Variants in PDE4D observed in about 807,000 individuals in gnomAD.
The protein encoded by PDE4D is phosphodiesterase 4D, also known as 3',5'-cyclic-AMP phosphodiesterase 4D.
In PDE4D, 24 loss-of-function variants were observed where a neutral mutation model predicts 87.4. That is an observed-to-expected ratio of 0.27 (90% CI 0.20 to 0.39). The LOEUF is 0.39. Ranked by LOEUF, PDE4D falls within the 10% of genes least tolerant of loss-of-function variation. The pLI, the probability that PDE4D is intolerant of heterozygous loss-of-function variation, is 1.00. For synonymous variants in PDE4D, 384 were observed against 383.2 expected (o/e 1.00, Z -0.02); for missense variants, 714 against 1,041.0 (o/e 0.69, Z 4.32).
intron 10 of PDE4D, 142 bp downstream of exon 10, chr5:58,989,613 A>G (rs1351501191): frequency 3.6e-6 from 2 of 556,006 alleles, no homozygotes; most frequent in Non-Finnish European, 6.3e-6. Context: ...TCTATTAACT[A>G]TAGCATTTTC....
intron 2 of PDE4D, among the ~76,000 whole-genome samples, chr5:60,008,497 C>A (rs754303259): frequency 6.6e-6 from 1 of 151,988 alleles, no homozygotes; most frequent in African/African-American, 2.4e-5. Flanking sequence ...GTATTCTTCA[C>A]GTGACACAGT....
intron 1 of PDE4D, among the ~76,000 whole-genome samples, chr5:59,489,715 G>T (rs1805838468): frequency 6.6e-6 from 1 of 152,076 alleles, no homozygotes. Context: ...ACATTAAAAA[G>T]AACTCAAAAT....
chr5:60,116,767 G>A (rs778427546), intron 2 of PDE4D, among the ~76,000 whole-genome samples: 1 of 151,974 alleles, frequency 6.6e-6, no homozygotes, highest in African/African-American at 2.4e-5. Flanking sequence ...TTGCCCATAG[G>A]AAATGACATC....
chr5:59,086,701 T>A (rs1226180618), intron 5 of PDE4D, among the ~76,000 whole-genome samples: 1 of 152,164 alleles, frequency 6.6e-6, no homozygotes, highest in Non-Finnish European at 1.5e-5. Context: ...GTTTTTACTA[T>A]CTTATGGACA....
chr5:59,589,783 A>C (rs1158950216), intron 1 of PDE4D, among the ~76,000 whole-genome samples: 3 of 152,172 alleles, frequency 2.0e-5, no homozygotes, highest in Admixed American at 6.6e-5. Flanking sequence ...GCACTTTATA[A>C]ATAAAATACA....
chr5:60,168,590 C>T (rs1783140718), intron 2 of PDE4D, among the ~76,000 whole-genome samples: 1 of 152,178 alleles, frequency 6.6e-6, no homozygotes, highest in South Asian at 2.1e-4. Context: ...CCAGTGAATA[C>T]CACGGATGCT....
intron 2 of PDE4D, among the ~76,000 whole-genome samples, chr5:60,177,001 C>A (rs913706447): frequency 6.6e-6 from 1 of 152,134 alleles, no homozygotes; most frequent in African/African-American, 2.4e-5. Flanking sequence ...AGTAACTAAG[C>A]AGAAAGGACT....
chr5:60,103,726 A>G (rs116519680), intron 2 of PDE4D, among the ~76,000 whole-genome samples: 1,945 of 152,342 alleles, frequency 0.013, 49 homozygotes, highest in African/African-American at 0.045. Context: ...TTCAGAGTAA[A>G]TCATTCTATC....
intron 1 of PDE4D, among the ~76,000 whole-genome samples, chr5:59,762,383 TGTATATGG>T (rs1243212532): frequency 7.3e-6 from 1 of 136,758 alleles, no homozygotes; most frequent in Non-Finnish European, 1.6e-5. Flanking sequence ...TGTGTATATG[TGTATATGG>T]GTACACATGT....
At chr5:59,991,981 T>G (rs892693536) in intron 2 of PDE4D, among the ~76,000 whole-genome samples, 22 of 152,170 alleles carry the variant, frequency 1.4e-4, no homozygotes, top group Non-Finnish European at 2.8e-4. Flanking sequence ...ACCCTCCATG[T>G]GGGTAGGCAC....
chr5:59,742,828 T>C (rs1346246948), intron 1 of PDE4D, among the ~76,000 whole-genome samples: 3 of 152,230 alleles, frequency 2.0e-5, no homozygotes, highest in Non-Finnish European at 4.4e-5. Flanking sequence ...CATTTCTTTA[T>C]ATTTACTCTT....
intron 1 of PDE4D, among the ~76,000 whole-genome samples, chr5:59,820,728 T>C (rs1434064347): frequency 1.3e-5 from 2 of 152,220 alleles, no homozygotes; most frequent in Non-Finnish European, 2.9e-5. Context: ...GGCTTGCTCC[T>C]CTTGACATGG....
At chr5:59,423,812 A>G (rs759918138) in intron 1 of PDE4D, among the ~76,000 whole-genome samples, 109 of 135,198 alleles carry the variant, frequency 8.1e-4, no homozygotes, top group Non-Finnish European at 1.6e-3. Context: ...CTGGGAATGT[A>G]ACCTTTTTTT....
intron 1 of PDE4D, among the ~76,000 whole-genome samples, chr5:59,712,315 A>ATT (rs985167485): frequency 1.3e-4 from 19 of 149,524 alleles, no homozygotes; most frequent in Non-Finnish European, 2.7e-4. Flanking sequence ...CTGTCTATCC[A>ATT]TTTGTCTGTC....
chr5:59,872,918 T>G (rs1246707657), intron 1 of PDE4D, among the ~76,000 whole-genome samples: 1 of 152,100 alleles, frequency 6.6e-6, no homozygotes, highest in African/African-American at 2.4e-5. Flanking sequence ...CCACCTCTAT[T>G]TTCACCCTCT....
intron 2 of PDE4D, among the ~76,000 whole-genome samples, chr5:59,203,624 TACAC>T (rs79799414): frequency 6.6e-6 from 1 of 151,016 alleles, no homozygotes; most frequent in Admixed American, 6.6e-5. Context: ...AAATGTTATA[TACAC>T]ACACACACAC....
intron 6 of PDE4D, among the ~76,000 whole-genome samples, chr5:59,001,813 T>C (rs984891063): frequency 6.6e-6 from 1 of 152,228 alleles, no homozygotes; most frequent in Non-Finnish European, 1.5e-5. Context: ...CTTAGTATAA[T>C]TACTTCCATT....
intron 1 of PDE4D, among the ~76,000 whole-genome samples, chr5:60,190,032 G>A (rs183095413): frequency 6.6e-6 from 1 of 152,216 alleles, no homozygotes; most frequent in East Asian, 1.9e-4. Context: ...TCTAAATGAA[G>A]AATGAATACA....
At chr5:59,590,256 AG>A (rs1825733737) in intron 1 of PDE4D, among the ~76,000 whole-genome samples, 2 of 152,220 alleles carry the variant, frequency 1.3e-5, no homozygotes, top group Non-Finnish European at 2.9e-5. Flanking sequence ...AAGAAACAAC[AG>A]TTAGGCAGAA....
Sources: allele counts gnomAD v4.1 joint callset (sites outside exome capture counted in the v4.1 genomes callset), GRCh38; gene constraint gnomAD v4.1.1; transcripts MANE v1.5; gene names NCBI Gene and HGNC (gene_info 2026-07-23, HGNC 2026-07-21).